OPRM1: variants seen among roughly 807,000 people sequenced by gnomAD.
The protein encoded by OPRM1 is mu-type opioid receptor.
Under a neutral mutation model 31.8 loss-of-function variants are expected in OPRM1, and 27 were observed. The ratio of observed to expected loss-of-function variants is 0.85; its 90% CI spans 0.63 to 1.17. The LOEUF (loss-of-function observed/expected upper bound fraction) is 1.17. OPRM1 is among the 50% of genes most tolerant of loss of function. The pLI, the probability that OPRM1 is intolerant of heterozygous loss-of-function variation, is 0.00. For missense variants in OPRM1, 536 were observed against 511.1 expected, an observed-to-expected ratio of 1.05 and a Z score of -0.47; for synonymous variants, 196 against 189.9, an observed-to-expected ratio of 1.03 and a Z score of -0.26.
chr6:154,113,612 G>A (rs1796568040), intron 3 of OPRM1, among the ~76,000 whole-genome samples: 1 of 152,198 alleles, frequency 6.6e-6, no homozygotes, highest in Non-Finnish European at 1.5e-5. Flanking sequence ...AGTATGAGCT[G>A]TCTGAGTGAT....
chr6:154,193,105 A>G (rs536740364), intron 3 of OPRM1, among the ~76,000 whole-genome samples: 16 of 152,370 alleles, frequency 1.1e-4, no homozygotes, highest in Middle Eastern at 6.8e-3. Flanking sequence ...TTGCTAAAAT[A>G]TGGAACCAGC....
At chr6:154,170,571 A>G (rs1799792842) in intron 3 of OPRM1, among the ~76,000 whole-genome samples, 2 of 152,236 alleles carry the variant, frequency 1.3e-5, no homozygotes, top group Admixed American at 6.5e-5. Flanking sequence ...CTTTTTCTCT[A>G]CCAAACCGTC....
In OPRM1 at chr6:154,124,758, C is replaced by T. The variant is rs1797491174; in HGVS notation, c.*6037C>T. ...TATTTGGGAAGAGCAAGGTAAGAAT[C>T]AAGTAGAAATGATAAAGGGCAAGGA... On this transcript the variant is annotated 3_prime_UTR_variant, in exon 4 of 4. Transcript: ENST00000330432. 6.6e-6 allele frequency among the ~76,000 whole-genome samples: 1 copy of T among 152,074 alleles called. No individual in the cohort carries two copies. Among genetic ancestry groups the T allele is most frequent in the Non-Finnish European group, 1.5e-5 (1 of 68,004 alleles).
chr6:154,083,379 A>G (rs1263524594), intron 1 of OPRM1: 2 of 152,284 alleles, frequency 1.3e-5, no homozygotes, highest in Non-Finnish European at 2.9e-5. Flanking sequence ...GTATGCCATT[A>G]GCTTCTACAC....
chr6:154,015,710 A>G (rs1777966537), intron 1 of OPRM1, among the ~76,000 whole-genome samples: 1 of 152,008 alleles, frequency 6.6e-6, no homozygotes, highest in Non-Finnish European at 1.5e-5. Flanking sequence ...GCAAATAAAG[A>G]CAAATGACAA....
chr6:154,107,683 C>A lies in OPRM1; in HGVS notation c.1165-11000C>A, dbSNP rs1027013389. The A allele has an allele frequency of 5.6e-6, 4 of 718,462 alleles. No homozygotes were observed. In the East Asian group the frequency reaches 1.1e-4, roughly 19 times the overall value. 44.5% of individuals were successfully genotyped at this position (718,462 alleles called of 1,614,324 possible). The stretch of plus-strand genomic sequence containing the variant: ...GGTGGAGACCAAGAGAAGGTACTGC[C>A]GTGTGGTTAAAAGGTCAAGCTCCCA... On this transcript the variant is annotated intron_variant, in intron 3 of 3. Coordinates refer to ENST00000330432, the MANE Select transcript of OPRM1 (RefSeq NM_000914.5).
At chr6:154,223,226 T>G (rs370228263) in intron 3 of OPRM1, 2 of 1,613,192 alleles carry the variant, frequency 1.2e-6, no homozygotes, top group African/African-American at 2.7e-5. Context: ...GGTTGACAAA[T>G]CCATCAGCTT....
intron 3 of OPRM1, among the ~76,000 whole-genome samples, chr6:154,170,502 A>C (rs1161388850): frequency 6.6e-6 from 1 of 152,238 alleles, no homozygotes; most frequent in African/African-American, 2.4e-5. Context: ...CATAAAACAG[A>C]AAGCAAAGAT....
At chr6:154,011,606 T>C (rs1345224614) in intron 1 of OPRM1, among the ~76,000 whole-genome samples, 2 of 152,156 alleles carry the variant, frequency 1.3e-5, no homozygotes, top group Non-Finnish European at 2.9e-5. Context: ...TTCAATTACA[T>C]GAATGTTCAA....
Position 154,224,774 on chromosome 6 carries a change from T to C in OPRM1, c.1165-21919T>C, listed in dbSNP as rs113363265. Reference sequence around the variant, plus strand: ...CAATTCTAATGGGCACTCTCTTCTTTAAACATTATATATGCATATGTGTGT... The same window carrying C: ...CAATTCTAATGGGCACTCTCTTCTTCAAACATTATATATGCATATGTGTGT... On this transcript the variant is annotated intron_variant, in intron 3 of 3. Coordinates refer to the OPRM1 transcript ENST00000337049. Among the ~76,000 whole-genome samples, 269 of 152,294 alleles carry C rather than the reference T, an allele frequency of 1.8e-3. 2 individuals are homozygous for C. Among genetic ancestry groups the C allele is most frequent in the African/African-American group, 6.2e-3 (258 of 41,562 alleles).
rs146605978 is a variant in OPRM1, at chr6:154,028,804, C to T, written c.1-10357C>T. Among the ~76,000 whole-genome samples, 928 of 152,284 alleles carry T rather than the reference C, an allele frequency of 6.1e-3. 10 individuals carry two copies. The highest frequency in any genetic ancestry group is 0.021 in the African/African-American group (877 of 41,550). On this transcript the variant is annotated intron_variant, in intron 1 of 5. Coordinates refer to the OPRM1 transcript ENST00000434900. ...TCTACCTAGCACACAGAAGCACTCT[C>T]CATACACTGCCCACCCACTGCTGGG...
intron 3 of OPRM1, chr6:154,156,928 A>G (rs986816638): frequency 2.0e-5 from 3 of 152,208 alleles, no homozygotes; most frequent in African/African-American, 7.2e-5. Flanking sequence ...GGTGCCACAG[A>G]TTTGGATCTA....
intron 3 of OPRM1, among the ~76,000 whole-genome samples, chr6:154,111,310 A>G (rs1175862287): frequency 6.6e-6 from 1 of 152,192 alleles, no homozygotes; most frequent in Non-Finnish European, 1.5e-5. Context: ...GATTTCTGTA[A>G]TAAATGAGAT....
At chr6:154,079,046 G>A (rs555835163) in intron 1 of OPRM1, among the ~76,000 whole-genome samples, 1 of 152,316 alleles carries the variant, frequency 6.6e-6, no homozygotes, top group East Asian at 1.9e-4. Context: ...TGAGAGGATA[G>A]GAGAAAGAGA....
chr6:154,025,513 C>T (rs77364087), intron 1 of OPRM1, among the ~76,000 whole-genome samples: 3,540 of 152,038 alleles, frequency 0.023, 143 homozygotes, highest in African/African-American at 0.082. Context: ...GAGTTTAGTA[C>T]ATTTACATTG....
At chr6:154,097,128 G>A (rs765089865) in intron 3 of OPRM1, among the ~76,000 whole-genome samples, 6 of 152,234 alleles carry the variant, frequency 3.9e-5, no homozygotes, top group Non-Finnish European at 7.4e-5. Context: ...ATATCTACCC[G>A]TGGGTCTTAC....
chr6:154,027,406 G>A (rs950619159), intron 1 of OPRM1, among the ~76,000 whole-genome samples: 1 of 152,178 alleles, frequency 6.6e-6, no homozygotes, highest in Admixed American at 6.5e-5. Flanking sequence ...ACCACTACTA[G>A]GACTCTGCTG....
At chr6:154,234,929 C>T (rs1320613298) in intron 3 of OPRM1, among the ~76,000 whole-genome samples, 4 of 152,210 alleles carry the variant, frequency 2.6e-5, no homozygotes, top group African/African-American at 9.7e-5. Flanking sequence ...AGCTTCTGCT[C>T]AGTCTCATCT....
intron 1 of OPRM1, chr6:154,087,458 C>G (rs1583460436): frequency 1.0e-6 from 1 of 985,404 alleles, no homozygotes. Flanking sequence ...ATCAGAAGCC[C>G]AAGGAGGGCC....
Sources: gnomAD v4.1 joint callset for allele counts (sites outside exome capture counted in the v4.1 genomes callset) on GRCh38, gnomAD v4.1.1 for gene constraint, MANE v1.5 for transcripts, NCBI Gene and HGNC (gene_info 2026-07-23, HGNC 2026-07-21) for gene names.